NKAIN3: variants seen among roughly 807,000 people sequenced by gnomAD.
NKAIN3 encodes the protein sodium/potassium-transporting ATPase subunit beta-1-interacting protein 3.
In NKAIN3, 25 loss-of-function variants were observed where a neutral mutation model predicts 30.2. That is an observed-to-expected ratio of 0.83 (90% CI 0.60 to 1.16). The LOEUF (loss-of-function observed/expected upper bound fraction) is 1.16, where lower values mean the gene tolerates loss of function less well. Among genes scored for constraint, NKAIN3 ranks in the 50% most tolerant of loss-of-function variants. The pLI, the probability that NKAIN3 is intolerant of heterozygous loss-of-function variation, is 0.00. For synonymous variants in NKAIN3, 91 were observed against 89.6 expected, an observed-to-expected ratio of 1.02 and a Z score of -0.09; for missense variants, 225 against 254.1, an observed-to-expected ratio of 0.89 and a Z score of 0.78.
At chr8:62,647,839 C>T (rs1479094294) in intron 3 of NKAIN3, among the ~76,000 whole-genome samples, 2 of 152,244 alleles carry the variant, frequency 1.3e-5, no homozygotes, top group East Asian at 3.9e-4. Context: ...AGACAAGAGT[C>T]TTTGAGATTG....
intron 3 of NKAIN3, among the ~76,000 whole-genome samples, chr8:62,698,891 C>T (rs1166151107): frequency 6.6e-6 from 1 of 152,106 alleles, no homozygotes; most frequent in Non-Finnish European, 1.5e-5. Flanking sequence ...CACTAATAAG[C>T]ACTATTGAGG....
intron 4 of NKAIN3, among the ~76,000 whole-genome samples, chr8:62,901,360 C>A (rs1821608677): frequency 1.3e-5 from 2 of 152,140 alleles, no homozygotes; most frequent in South Asian, 4.1e-4. Flanking sequence ...CTACTTCCCA[C>A]ATGGGAAGCT....
At chr8:62,611,978 C>T (rs1451998630) in intron 3 of NKAIN3, among the ~76,000 whole-genome samples, 2 of 151,964 alleles carry the variant, frequency 1.3e-5, no homozygotes, top group African/African-American at 2.4e-5. Context: ...GGAAATAAGA[C>T]ATTTTACCTG....
At chr8:62,829,731 AGATAGATAGAT>A (rs1050611218) in intron 4 of NKAIN3, among the ~76,000 whole-genome samples, 2 of 113,856 alleles carry the variant, frequency 1.8e-5, no homozygotes, top group African/African-American at 3.3e-5. Context: ...TTTGTTAACT[AGATAGATAGAT>A]GATAGATAGA....
At chr8:62,897,040 T>C (rs1467879998) in intron 4 of NKAIN3, among the ~76,000 whole-genome samples, 1 of 58,558 alleles carries the variant, frequency 1.7e-5, no homozygotes, top group Non-Finnish European at 2.7e-5. Context: ...CTACACATTT[T>C]TGAAGCAGAA....
At chr8:62,471,931 C>A (rs1483053422) in intron 1 of NKAIN3, among the ~76,000 whole-genome samples, 2 of 151,758 alleles carry the variant, frequency 1.3e-5, no homozygotes, top group East Asian at 3.9e-4. Context: ...CTTGCTCCAG[C>A]CTGGGTGTCA....
intron 4 of NKAIN3, among the ~76,000 whole-genome samples, chr8:62,812,398 A>G (rs934774639): frequency 3.3e-5 from 5 of 151,924 alleles, no homozygotes; most frequent in Admixed American, 1.3e-4. Flanking sequence ...AATTGCATCA[A>G]ATCTACAGAT....
intron 5 of NKAIN3, among the ~76,000 whole-genome samples, chr8:62,935,560 C>T (rs533232503): frequency 1.3e-5 from 2 of 152,138 alleles, no homozygotes; most frequent in African/African-American, 2.4e-5. Flanking sequence ...AATCCAAATG[C>T]ATTCCAAAAT....
intron 2 of NKAIN3, among the ~76,000 whole-genome samples, chr8:62,581,918 C>A (rs1810311569): frequency 1.1e-4 from 1 of 8,816 alleles, no homozygotes; most frequent in Non-Finnish European, 2.4e-4. Context: ...CCTTCCTTCC[C>A]TCTTTCCTTT....
intron 4 of NKAIN3, among the ~76,000 whole-genome samples, chr8:62,801,440 A>G (rs1370230594): frequency 6.6e-6 from 1 of 152,172 alleles, no homozygotes; most frequent in African/African-American, 2.4e-5. Flanking sequence ...GAATGATCAG[A>G]CAGCAGCATT....
Position 62,966,215 on chromosome 8 carries a change from A to T in NKAIN3, c.*808A>T, listed in dbSNP as rs1164360646. Reference sequence around the variant, plus strand: ...CTTGTGGGACAGAAATCACAAACATAGACCTGCAGTCAGGAACTTTTCTCT... The same window carrying T: ...CTTGTGGGACAGAAATCACAAACATTGACCTGCAGTCAGGAACTTTTCTCT... On this transcript the variant is annotated 3_prime_UTR_variant, in exon 7 of 7. Coordinates refer to ENST00000623646, the MANE Select transcript of NKAIN3 (RefSeq NM_001304533.3). 1.0e-6 allele frequency: 1 copy of T among 984,976 alleles called. No individual in the cohort carries two copies. Among genetic ancestry groups the T allele is most frequent in the Non-Finnish European group, 1.2e-6 (1 of 829,656 alleles). The allele number at this position is 984,976 out of a possible 1,614,324, so 61.0% of individuals were successfully genotyped here.
chr8:62,337,584 T>TATATAA (rs1353178487), intron 1 of NKAIN3, among the ~76,000 whole-genome samples: 1 of 151,238 alleles, frequency 6.6e-6, no homozygotes, highest in South Asian at 2.1e-4. Context: ...CATATATATA[T>TATATAA]AACACAACAC....
chr8:62,861,952 C>T (rs1482921175), intron 4 of NKAIN3, among the ~76,000 whole-genome samples: 1 of 152,174 alleles, frequency 6.6e-6, no homozygotes, highest in Non-Finnish European at 1.5e-5. Context: ...ACATAACTAG[C>T]CAGAATCATG....
chr8:62,253,637 T>C (rs1812176985), intron 1 of NKAIN3, among the ~76,000 whole-genome samples: 1 of 152,154 alleles, frequency 6.6e-6, no homozygotes, highest in African/African-American at 2.4e-5. Flanking sequence ...AAAATCAGCA[T>C]TTTTTCTCAC....
intron 1 of NKAIN3, among the ~76,000 whole-genome samples, chr8:62,291,654 G>T (rs1025006700): frequency 5.3e-5 from 8 of 151,962 alleles, no homozygotes; most frequent in Non-Finnish European, 8.8e-5. Flanking sequence ...GCTTTACTTC[G>T]AACTATGTGG....
At chr8:62,714,588 A>AG (rs1395059736) in intron 3 of NKAIN3, among the ~76,000 whole-genome samples, 1 of 152,168 alleles carries the variant, frequency 6.6e-6, no homozygotes, top group Non-Finnish European at 1.5e-5. Flanking sequence ...ACCAAGGCTT[A>AG]ATATAAAAAA....
chr8:62,581,190 A>C (rs1016973837), intron 2 of NKAIN3, among the ~76,000 whole-genome samples: 1 of 149,340 alleles, frequency 6.7e-6, no homozygotes, highest in Non-Finnish European at 1.5e-5. Flanking sequence ...GCCTCTGCTA[A>C]GTAACTACAC....
chr8:62,758,532 C>T (rs1354909599), intron 4 of NKAIN3, among the ~76,000 whole-genome samples: 1 of 152,160 alleles, frequency 6.6e-6, no homozygotes, highest in Non-Finnish European at 1.5e-5. Flanking sequence ...AGTATAACTG[C>T]ATTTCCAATC....
At chr8:62,256,263 A>T (rs4738949) in intron 1 of NKAIN3, among the ~76,000 whole-genome samples, 89,177 of 151,370 alleles carry the variant, frequency 0.59, 26,309 homozygotes, top group East Asian at 0.67. Flanking sequence ...AAAAAAATTT[A>T]AAAAAAAATA....
Sources: gnomAD v4.1 joint callset for allele counts (sites outside exome capture counted in the v4.1 genomes callset) on GRCh38, gnomAD v4.1.1 for gene constraint, MANE v1.5 for transcripts, NCBI Gene and HGNC (gene_info 2026-07-23, HGNC 2026-07-21) for gene names.